HERC3: variants seen among roughly 807,000 people sequenced by gnomAD.
HERC3 encodes probable E3 ubiquitin-protein ligase HERC3.
In HERC3, 58 loss-of-function variants were observed where a neutral mutation model predicts 129.9. The ratio of observed to expected loss-of-function variants is 0.45; its 90% confidence interval spans 0.36 to 0.56. The LOEUF is 0.56. Among genes scored for constraint, HERC3 ranks in the 20% least tolerant of loss-of-function variants. The probability of loss-of-function intolerance (pLI) is 0.00; values close to 1 mark genes in which losing one functional copy is unlikely to be tolerated. For missense variants in HERC3, 835 were observed against 1,244.2 expected, an observed-to-expected ratio of 0.67 and a Z score of 4.95; for synonymous variants, 430 against 451.0, an observed-to-expected ratio of 0.95 and a Z score of 0.59.
At chr4:88,703,228 A>G (rs2604207) in intron 23 of HERC3, among the ~76,000 whole-genome samples, 14,597 of 152,010 alleles carry the variant, frequency 0.096, 1,463 homozygotes, top group African/African-American at 0.25. Flanking sequence ...GCAGCCTCCA[A>G]TCAGAGTGTA....
At chr4:88,676,799 C>T (rs1732216243) in intron 18 of HERC3, among the ~76,000 whole-genome samples, 1 of 152,114 alleles carries the variant, frequency 6.6e-6, no homozygotes, top group Non-Finnish European at 1.5e-5. Flanking sequence ...ATAATTTTTA[C>T]ATGTGGTGAA....
the HERC3 span, among the ~76,000 whole-genome samples, chr4:88,551,731 C>A: frequency 6.6e-6 from 1 of 152,170 alleles, no homozygotes; most frequent in Admixed American, 6.5e-5. Flanking sequence ...TGTGGCAATT[C>A]CTCAGGGATC....
At chr4:88,598,101 A>G (rs1168424520) in intron 2 of HERC3, 3 of 152,188 alleles carry the variant, frequency 2.0e-5, no homozygotes, top group African/African-American at 7.2e-5. Flanking sequence ...ATTGCTTCTA[A>G]GCTTACTTGA....
chr4:88,640,583 G>A (rs768998277), intron 3 of HERC3, among the ~76,000 whole-genome samples: 11 of 152,142 alleles, frequency 7.2e-5, no homozygotes, highest in Non-Finnish European at 1.3e-4. Context: ...GGTGGGGAGC[G>A]AGGGAAGGGA....
intron 3 of HERC3, among the ~76,000 whole-genome samples, chr4:88,614,560 T>C (rs1014864911): frequency 2.6e-5 from 4 of 152,140 alleles, no homozygotes; most frequent in Non-Finnish European, 5.9e-5. Flanking sequence ...TAAGAAACAA[T>C]TCCCTTTTTA....
intron 2 of HERC3, among the ~76,000 whole-genome samples, chr4:88,596,476 A>T (rs1722403557): frequency 6.6e-6 from 1 of 152,206 alleles, no homozygotes; most frequent in Non-Finnish European, 1.5e-5. Context: ...AATGGGGGTC[A>T]GTTCACTAGG....
intron 3 of HERC3, among the ~76,000 whole-genome samples, chr4:88,611,848 TGGA>T (rs1560674420): frequency 6.6e-6 from 1 of 152,234 alleles, no homozygotes; most frequent in African/African-American, 2.4e-5. Flanking sequence ...AGCACTAGTC[TGGA>T]GGAGAATTTA....
intron 3 of HERC3, among the ~76,000 whole-genome samples, chr4:88,649,065 T>C (rs3017924): frequency 0.12 from 17,645 of 152,184 alleles, 1,918 homozygotes; most frequent in East Asian, 0.29. Context: ...GCTCCCTGCA[T>C]GATCTGTTTT....
At chr4:88,527,575 G>T in the HERC3 span, 2 of 206,152 alleles carry the variant, frequency 9.7e-6, no homozygotes, top group South Asian at 1.5e-4. Flanking sequence ...TTGCTCTTTT[G>T]GTTCTGTGGC....
At chr4:88,677,613 G>T (rs1732310244) in intron 18 of HERC3, among the ~76,000 whole-genome samples, 1 of 152,098 alleles carries the variant, frequency 6.6e-6, no homozygotes, top group Non-Finnish European at 1.5e-5. Context: ...GTGGTTATTA[G>T]CTTTCTTTTC....
At chr4:88,640,884 T>C (rs1246605644) in intron 3 of HERC3, among the ~76,000 whole-genome samples, 2 of 152,170 alleles carry the variant, frequency 1.3e-5, no homozygotes, top group South Asian at 2.1e-4. Context: ...TTGGAGACTT[T>C]TTACTCTTTT....
intron 23 of HERC3, among the ~76,000 whole-genome samples, chr4:88,698,270 G>T (rs1208696534): frequency 6.6e-6 from 1 of 152,132 alleles, no homozygotes; most frequent in Admixed American, 6.5e-5. Context: ...GTGGAGGAAC[G>T]GGCAAGCTGG....
intron 8 of HERC3, among the ~76,000 whole-genome samples, 193 bp from the exon 9 acceptor site, chr4:88,655,682 C>T (rs1484792243): frequency 6.6e-6 from 1 of 152,130 alleles, no homozygotes; most frequent in Non-Finnish European, 1.5e-5. Context: ...GACTTGCCAC[C>T]CTCCTCATGA....
the HERC3 span, among the ~76,000 whole-genome samples, chr4:88,581,424 A>T: frequency 6.6e-6 from 1 of 151,234 alleles, no homozygotes; most frequent in East Asian, 1.9e-4. Context: ...CAGCCTCCTC[A>T]GTAGCTGGGA....
At chr4:88,667,294 C>A in intron 12 of HERC3, 83 bp from the exon 13 acceptor site, 1 of 640,594 alleles carries the variant, frequency 1.6e-6, no homozygotes, top group South Asian at 2.2e-5. Flanking sequence ...TTACTAAGAA[C>A]ACAGTATTTT....
chr4:88,691,458 AT>A lies in HERC3; in HGVS notation c.2657+4160del, dbSNP rs367693479. Among the ~76,000 whole-genome samples, 595 of 152,338 alleles carry A rather than the reference AT, an allele frequency of 3.9e-3. 1 individual carries two copies. The highest frequency in any genetic ancestry group is 0.014 in the African/African-American group (563 of 41,578). On this transcript the variant is annotated intron_variant, in intron 23 of 25. Transcript: ENST00000402738. Reference sequence around the variant, plus strand: ...GGAAGTCCAAGATTAGGCTGCCAGCATGGTTAGGTTCTGGCGAGGGCCTTCT... The same window carrying A: ...GGAAGTCCAAGATTAGGCTGCCAGCAGGTTAGGTTCTGGCGAGGGCCTTCT...
chr4:88,656,220 T>C (rs1313473750), intron 9 of HERC3, 185 bp downstream of exon 9: 2 of 611,508 alleles, frequency 3.3e-6, no homozygotes, highest in African/African-American at 1.8e-5. Context: ...TCCTAGAGAA[T>C]AAATAAAGCA....
At chr4:88,652,727 T>C in intron 5 of HERC3, 142 bp from the exon 6 acceptor site, 1 of 830,190 alleles carries the variant, frequency 1.2e-6, no homozygotes, top group South Asian at 1.8e-5. Context: ...GGCAGTCTGA[T>C]AGCATGAAGT....
At chr4:88,679,642 C>A (rs558226152) in intron 19 of HERC3, among the ~76,000 whole-genome samples, 3 of 151,996 alleles carry the variant, frequency 2.0e-5, no homozygotes, top group Admixed American at 2.0e-4. Context: ...GTCTCAGCCT[C>A]CCGAGTAGTG....
Sources: gnomAD v4.1 joint callset for allele counts (sites outside exome capture counted in the v4.1 genomes callset) on GRCh38, gnomAD v4.1.1 for gene constraint, MANE v1.5 for transcripts, NCBI Gene and HGNC (gene_info 2026-07-23, HGNC 2026-07-21) for gene names.